REEP3: variants seen among roughly 807,000 people sequenced by gnomAD.
REEP3 encodes the protein receptor accessory protein 3.
REEP3 carries 20 observed loss-of-function variants against 41.3 expected under a neutral mutation model. The ratio of observed to expected loss-of-function variants is 0.48; its 90% CI spans 0.34 to 0.70. The LOEUF is 0.70. Among genes scored for constraint, REEP3 ranks in the 30% least tolerant of loss-of-function variants. The pLI is 0.01. For synonymous variants in REEP3, 104 were observed against 101.8 expected (o/e 1.02, Z -0.13); for missense variants, 271 against 308.8 (o/e 0.88, Z 0.92).
chr10:63,583,254 G>A (rs914333026), intron 2 of REEP3, among the ~76,000 whole-genome samples: 2 of 152,082 alleles, frequency 1.3e-5, no homozygotes, highest in African/African-American at 4.8e-5. Flanking sequence ...GCCTCCCAAA[G>A]TGCTGGGACT....
intron 2 of REEP3, among the ~76,000 whole-genome samples, chr10:63,569,488 T>TC (rs1955834033): frequency 1.3e-5 from 2 of 151,562 alleles, no homozygotes; most frequent in African/African-American, 2.4e-5. Flanking sequence ...CTTTTTTTTT[T>TC]TTAGGAAAAG....
chr10:63,615,069 C>A (rs1956302019), intron 6 of REEP3, among the ~76,000 whole-genome samples: 1 of 151,812 alleles, frequency 6.6e-6, no homozygotes. Flanking sequence ...GAAAACATAT[C>A]CAGATTGTAG....
intron 3 of REEP3, among the ~76,000 whole-genome samples, chr10:63,597,687 G>A (rs781306703): frequency 4.6e-5 from 7 of 152,082 alleles, no homozygotes; most frequent in Non-Finnish European, 8.8e-5. Context: ...CGAGGTGGGC[G>A]GATCACATGA....
intron 1 of REEP3, among the ~76,000 whole-genome samples, chr10:63,542,907 A>G (rs1264226876): frequency 6.6e-6 from 1 of 152,186 alleles, no homozygotes; most frequent in African/African-American, 2.4e-5. Context: ...CGTTCAAGGT[A>G]CAGGATGCCA....
intron 2 of REEP3, among the ~76,000 whole-genome samples, chr10:63,572,227 T>C (rs1270402433): frequency 6.6e-6 from 1 of 152,062 alleles, no homozygotes; most frequent in African/African-American, 2.4e-5. Flanking sequence ...AATTTCACTC[T>C]GACAAAAATT....
At chr10:63,532,824 G>A (rs1359335632) in intron 1 of REEP3, among the ~76,000 whole-genome samples, 3 of 152,016 alleles carry the variant, frequency 2.0e-5, no homozygotes, top group Non-Finnish European at 2.9e-5. Context: ...AGGATCCCTT[G>A]AGCCCAGGAG....
At chr10:63,591,306 A>G (rs938031256) in intron 2 of REEP3, among the ~76,000 whole-genome samples, 6 of 152,148 alleles carry the variant, frequency 3.9e-5, no homozygotes, top group African/African-American at 1.4e-4. Flanking sequence ...TTTCAAGGTT[A>G]ACTTTCTTTA....
At chr10:63,553,677 T>G (rs1323912679) in intron 1 of REEP3, among the ~76,000 whole-genome samples, 1 of 152,152 alleles carries the variant, frequency 6.6e-6, no homozygotes, top group Non-Finnish European at 1.5e-5. Flanking sequence ...TAGGGTAGAA[T>G]TTGTGTTTAT....
intron 1 of REEP3, among the ~76,000 whole-genome samples, chr10:63,524,701 C>T (rs1388178663): frequency 6.6e-6 from 1 of 152,148 alleles, no homozygotes; most frequent in Admixed American, 6.5e-5. Flanking sequence ...CCACCTTCCT[C>T]GCTAAGTGCT....
intron 3 of REEP3, 109 bp from the exon 4 acceptor site, chr10:63,597,915 A>C: frequency 9.8e-7 from 1 of 1,022,584 alleles, no homozygotes; most frequent in South Asian, 1.8e-5. Context: ...CTCAAAAAAA[A>C]AAAAACAAAA....
At chr10:63,606,027 A>C in intron 5 of REEP3, 2 of 485,020 alleles carry the variant, frequency 4.1e-6, no homozygotes, top group Non-Finnish European at 5.4e-6. Context: ...ATCAGTTTCA[A>C]TGTGTAAAAT....
intron 1 of REEP3, among the ~76,000 whole-genome samples, chr10:63,564,260 CAA>C (rs1261022906): frequency 6.6e-6 from 1 of 152,072 alleles, no homozygotes; most frequent in Non-Finnish European, 1.5e-5. Flanking sequence ...AACAAATAGA[CAA>C]AGTTATCGTA....
chr10:63,521,560 G>T lies in REEP3; in HGVS notation c.15G>T (p.Met5Ile). 1 of 1,429,026 alleles carries T rather than the reference G, an allele frequency of 7.0e-7. No homozygotes were observed. The highest frequency in any genetic ancestry group is 9.3e-7 in the Non-Finnish European group (1 of 1,079,266). 88.5% of individuals were successfully genotyped at this position (1,429,026 alleles called of 1,614,324 possible). A position where few individuals can be genotyped will look rare whatever the true frequency, so the allele number is the denominator to read the frequency against. ...CCCCCGTGAAGATGGTGTCCTGGAT[G>T]ATCTCCAGAGCCGTGGTGTAAGTGC... MVSW[M>I]ISRAVVLVFG... is the part of the protein sequence containing the mutation. Residue 5 changes from methionine (M) to isoleucine (I), a missense_variant, in exon 1 of 8, where the codon ATG becomes ATT. By Grantham distance (10) the Met-to-Ile change is conservative. Coordinates refer to ENST00000373758, the MANE Select transcript of REEP3 (RefSeq NM_001001330.3).
At chr10:63,612,934 A>T (rs1956287142) in intron 6 of REEP3, among the ~76,000 whole-genome samples, 1 of 152,224 alleles carries the variant, frequency 6.6e-6, no homozygotes. Flanking sequence ...GCTAAGAATT[A>T]TATTCTAATT....
chr10:63,555,096 G>C (rs968202040), intron 1 of REEP3, among the ~76,000 whole-genome samples: 2 of 152,148 alleles, frequency 1.3e-5, no homozygotes, highest in Non-Finnish European at 2.9e-5. Flanking sequence ...ATTTAGCTAA[G>C]TTTAGCTCTA....
chr10:63,605,026 C>T (rs923437599), intron 5 of REEP3, among the ~76,000 whole-genome samples: 15 of 152,146 alleles, frequency 9.9e-5, no homozygotes, highest in African/African-American at 2.9e-4. Flanking sequence ...AAAGAATGGT[C>T]AGGGATGCTG....
At chr10:63,554,566 G>A (rs1002593150) in intron 1 of REEP3, among the ~76,000 whole-genome samples, 2 of 152,146 alleles carry the variant, frequency 1.3e-5, no homozygotes, top group African/African-American at 2.4e-5. Context: ...GAAGTTCTAT[G>A]TTTTGGCTTT....
chr10:63,573,444 GTTC>G (rs1358508412), intron 2 of REEP3, among the ~76,000 whole-genome samples: 1 of 152,190 alleles, frequency 6.6e-6, no homozygotes, highest in Non-Finnish European at 1.5e-5. Flanking sequence ...GGAAACCAGT[GTTC>G]TTATTCTAAG....
chr10:63,553,793 C>T (rs746400088), intron 1 of REEP3, among the ~76,000 whole-genome samples: 2 of 151,944 alleles, frequency 1.3e-5, no homozygotes, highest in Non-Finnish European at 2.9e-5. Context: ...TTTTCTTCAC[C>T]AGAAGCTTTT....
Sources: allele counts gnomAD v4.1 joint callset (sites outside exome capture counted in the v4.1 genomes callset), GRCh38; gene constraint gnomAD v4.1.1; transcripts MANE v1.5; gene names NCBI Gene and HGNC (gene_info 2026-07-23, HGNC 2026-07-21).